Variants in SYT13 observed in about 807,000 individuals in gnomAD.
The protein encoded by SYT13 is synaptotagmin-13.
A neutral mutation model predicts 38.6 loss-of-function variants in SYT13; 21 were observed. The ratio of observed to expected loss-of-function variants is 0.54; its 90% CI spans 0.39 to 0.78. SYT13 has a LOEUF of 0.78. SYT13 is among the 30% of genes least tolerant of loss of function. The pLI, the probability that SYT13 is intolerant of heterozygous loss-of-function variation, is 0.00. For synonymous variants in SYT13, 241 were observed against 237.6 expected, an observed-to-expected ratio of 1.01 and a Z score of -0.13; for missense variants, 495 against 548.7, an observed-to-expected ratio of 0.90 and a Z score of 0.98.
intron 1 of SYT13, 138 bp from the exon 2 acceptor site, chr11:45,256,029 C>T: frequency 1.2e-6 from 1 of 857,700 alleles, no homozygotes; most frequent in Non-Finnish European, 1.8e-6. Flanking sequence ...CTGAAGAGCA[C>T]AACCTAGGAA....
At chr11:45,247,061 T>C (rs1854622484) in intron 4 of SYT13, among the ~76,000 whole-genome samples, 2 of 152,168 alleles carry the variant, frequency 1.3e-5, no homozygotes, top group Admixed American at 1.3e-4. Context: ...TGTATGATGG[T>C]AGATCATGCC....
In SYT13 at chr11:45,244,157, G is replaced by A. The variant is rs1412327622; in HGVS notation, c.1176C>T (p.His392=). The change falls in exon 6 of 6, where the codon CAC becomes CAT. Residue 392 remains histidine (H), a synonymous_variant. Coordinates refer to ENST00000020926, the MANE Select transcript of SYT13 (RefSeq NM_020826.3). ...DDSGQSCALG[H]CSLGLHTSGS... is the part of the protein sequence containing the mutation. The stretch of plus-strand genomic sequence containing the variant: ...CCGAGGTGTGCAGGCCCAGGCTGCA[G>A]TGGCCAAGCGCACAGCTCTGCCCTG... The A allele has an allele frequency of 6.2e-7, 1 of 1,613,962 alleles. No homozygotes were observed. Among genetic ancestry groups the A allele is most frequent in the South Asian group, 1.1e-5 (1 of 91,074 alleles).
chr11:45,244,725 C>A (rs1289409280), intron 5 of SYT13, among the ~76,000 whole-genome samples: 2 of 152,218 alleles, frequency 1.3e-5, no homozygotes, highest in African/African-American at 2.4e-5. Context: ...TACCCTATGG[C>A]AGGCACTGGT....
At position 45,260,211 on chromosome 11, in the gene SYT13, G is replaced by A. The variant is rs571234920; in HGVS notation, c.184-4320C>T. ...TGTGGCAAATGGCTGGCTTTAGCTG[G>A]GAATGACTTACAGCCTTTGCCCAGG... On this transcript the variant is annotated intron_variant, in intron 1 of 5. Coordinates refer to ENST00000020926, the MANE Select transcript of SYT13 (RefSeq NM_020826.3). Among the ~76,000 whole-genome samples the A allele has an allele frequency of 2.6e-5, 4 of 152,248 alleles. No homozygotes were observed. In the East Asian group the frequency reaches 7.7e-4, roughly 29 times the overall value.
At chr11:45,254,756 T>C (rs1188434283) in intron 2 of SYT13, 3 of 200,538 alleles carry the variant, frequency 1.5e-5, no homozygotes, top group African/African-American at 4.6e-5. Flanking sequence ...AGCAGCAGCA[T>C]AGTACACCTA....
At chr11:45,247,238 G>A (rs181617059) in intron 4 of SYT13, among the ~76,000 whole-genome samples, 18 of 152,304 alleles carry the variant, frequency 1.2e-4, no homozygotes, top group South Asian at 4.1e-4. Flanking sequence ...AAGAATGACC[G>A]AAAGACCCCT....
intron 1 of SYT13, among the ~76,000 whole-genome samples, chr11:45,282,770 A>G (rs1855089005): frequency 6.6e-6 from 1 of 152,172 alleles, no homozygotes; most frequent in Non-Finnish European, 1.5e-5. Flanking sequence ...GAAAATAATG[A>G]TGTCATTTTT....
chr11:45,267,226 A>T (rs950165650), intron 1 of SYT13, among the ~76,000 whole-genome samples: 2 of 152,140 alleles, frequency 1.3e-5, no homozygotes, highest in Non-Finnish European at 2.9e-5. Flanking sequence ...CCCCTGCGGA[A>T]CCACCAGGCC....
chr11:45,257,552 G>A (rs923880567), intron 1 of SYT13, among the ~76,000 whole-genome samples: 16 of 152,258 alleles, frequency 1.1e-4, no homozygotes, highest in Non-Finnish European at 2.2e-4. Context: ...CCTGCACTGT[G>A]TAGGGGAGGG....
intron 1 of SYT13, among the ~76,000 whole-genome samples, chr11:45,276,952 G>C (rs1855018587): frequency 6.6e-6 from 1 of 152,144 alleles, no homozygotes; most frequent in Non-Finnish European, 1.5e-5. Flanking sequence ...CTACAGGAAT[G>C]TACTTAGCAG....
Position 45,252,799 on chromosome 11 carries a change from G to A in SYT13, c.545-77C>T. On this transcript the variant is annotated intron_variant, in intron 3 of 5. Transcript: ENST00000020926. The surrounding 1 kb of genome is among the most constrained non-coding windows in gnomAD (Gnocchi z 4.3). ...GGGGGCAGAAGCACGCCTTGCTTAG[G>A]GCTGTGGAATCCAGCTTAACGACGT... 1 of 1,461,044 alleles carries A rather than the reference G, an allele frequency of 6.8e-7. No homozygotes were observed. The highest frequency in any genetic ancestry group is 1.4e-5 in the African/African-American group (1 of 71,034). The allele number at this position is 1,461,044 out of a possible 1,614,324, so 90.5% of individuals were successfully genotyped here. A position where few individuals can be genotyped will look rare whatever the true frequency, so the allele number is the denominator to read the frequency against.
At chr11:45,275,514 A>G (rs185844228) in intron 1 of SYT13, among the ~76,000 whole-genome samples, 2 of 152,354 alleles carry the variant, frequency 1.3e-5, no homozygotes, top group Admixed American at 1.3e-4. Context: ...GAAAAATTAT[A>G]ATGCATTCCA....
intron 1 of SYT13, among the ~76,000 whole-genome samples, chr11:45,279,202 T>A (rs1855044066): frequency 6.6e-6 from 1 of 152,364 alleles, no homozygotes; most frequent in Non-Finnish European, 1.5e-5. Context: ...AATATGTTAC[T>A]TAAGCTTTCT....
In SYT13 at chr11:45,264,468, G is replaced by A. The variant is rs150661987; in HGVS notation, c.184-8577C>T. Among the ~76,000 whole-genome samples the A allele has an allele frequency of 1.9e-3, 296 of 152,176 alleles. 1 individual carries two copies. Among genetic ancestry groups the A allele is most frequent in the African/African-American group, 6.9e-3 (285 of 41,504 alleles). ...GCAATGTTGAAAGCTTTCCTATAGA[G>A]AGCCCCATGTGCAAAGACCCGAGGG... On this transcript the variant is annotated intron_variant, in intron 1 of 5. Coordinates refer to ENST00000020926, the MANE Select transcript of SYT13 (RefSeq NM_020826.3).
At chr11:45,247,900 G>A (rs1260996842) in intron 4 of SYT13, among the ~76,000 whole-genome samples, 1 of 152,198 alleles carries the variant, frequency 6.6e-6, no homozygotes, top group African/African-American at 2.4e-5. Flanking sequence ...GATATCAGAG[G>A]ATGAAGTGAG....
intron 1 of SYT13, among the ~76,000 whole-genome samples, chr11:45,267,244 C>T (rs1269193627): frequency 1.3e-5 from 2 of 152,178 alleles, no homozygotes; most frequent in Non-Finnish European, 2.9e-5. Context: ...GCCCTGCTGC[C>T]TTCCCGCCAC....
At chr11:45,250,107 G>T (rs907701613) in intron 4 of SYT13, among the ~76,000 whole-genome samples, 2 of 152,166 alleles carry the variant, frequency 1.3e-5, no homozygotes, top group African/African-American at 4.8e-5. Flanking sequence ...TCTAGCTGGG[G>T]CGAGGGGCTG....
intron 1 of SYT13, among the ~76,000 whole-genome samples, chr11:45,276,243 T>A (rs574241594): frequency 6.6e-6 from 1 of 152,350 alleles, no homozygotes; most frequent in South Asian, 2.1e-4. Flanking sequence ...CATGGAATAC[T>A]ATGTAGCCAT....
At chr11:45,266,086 C>T (rs1218994667) in intron 1 of SYT13, among the ~76,000 whole-genome samples, 2 of 152,146 alleles carry the variant, frequency 1.3e-5, no homozygotes, top group African/African-American at 4.8e-5. Context: ...GATACTTGTA[C>T]ACACATGCAC....
Sources: gnomAD v4.1 joint callset for allele counts (sites outside exome capture counted in the v4.1 genomes callset) on GRCh38, gnomAD v4.1.1 for gene constraint, Gnocchi (gnomAD v3.1) non-coding constraint, MANE v1.5 for transcripts, NCBI Gene and HGNC (gene_info 2026-07-23, HGNC 2026-07-21) for gene names.